Variants in SAMD5 observed in about 807,000 individuals in gnomAD.
SAMD5 encodes sterile alpha motif domain containing 5, also known as sterile alpha motif domain-containing protein 5.
Under a neutral mutation model 11.3 loss-of-function variants are expected in SAMD5, and 13 were observed. The ratio of observed to expected loss-of-function variants is 1.15; its 90% CI spans 0.75 to 1.83. The LOEUF is 1.83. Among genes scored for constraint, SAMD5 ranks in the 40% most tolerant of loss-of-function variants. The probability of loss-of-function intolerance (pLI) is 0.00; values close to 1 mark genes in which losing one functional copy is unlikely to be tolerated. For synonymous variants in SAMD5, 129 were observed against 111.3 expected (o/e 1.16, Z -1.00); for missense variants, 255 against 239.1 (o/e 1.07, Z -0.44).
intron 1 of SAMD5, among the ~76,000 whole-genome samples, chr6:147,615,568 G>T (rs2050184): frequency 0.1 from 15,399 of 152,016 alleles, 979 homozygotes; most frequent in Middle Eastern, 0.19. Flanking sequence ...TATTTTGAGG[G>T]GTAGATGAAT....
At chr6:147,644,433 T>C (rs1350911107) in intron 1 of SAMD5, among the ~76,000 whole-genome samples, 1 of 152,206 alleles carries the variant, frequency 6.6e-6, no homozygotes, top group Non-Finnish European at 1.5e-5. Flanking sequence ...TTTATTATTC[T>C]TATACTGTTT....
intron 1 of SAMD5, among the ~76,000 whole-genome samples, chr6:147,675,738 G>GT (rs953738287): frequency 1.3e-5 from 2 of 152,158 alleles, no homozygotes; most frequent in African/African-American, 4.8e-5. Context: ...ATTTTAGGAT[G>GT]TTTTTTGTAT....
the SAMD5 span, among the ~76,000 whole-genome samples, chr6:147,895,854 A>G: frequency 6.6e-6 from 1 of 152,078 alleles, no homozygotes; most frequent in Non-Finnish European, 1.5e-5. Context: ...TACCAAATAA[A>G]CCATGCTATT....
chr6:147,557,276 AC>A (rs1419176765), intron 1 of SAMD5, among the ~76,000 whole-genome samples: 3 of 152,236 alleles, frequency 2.0e-5, no homozygotes, highest in Non-Finnish European at 2.9e-5. Flanking sequence ...GGATTAAAAA[AC>A]ATTTCTAATA....
At chr6:147,919,916 C>T in the SAMD5 span, among the ~76,000 whole-genome samples, 3 of 152,212 alleles carry the variant, frequency 2.0e-5, no homozygotes, top group African/African-American at 7.2e-5. Flanking sequence ...AATTCAGTGC[C>T]TCCTGTCCAG....
At chr6:147,541,204 T>C (rs1340732458) in intron 1 of SAMD5, among the ~76,000 whole-genome samples, 1 of 151,734 alleles carries the variant, frequency 6.6e-6, no homozygotes, top group Non-Finnish European at 1.5e-5. Flanking sequence ...CCAGCCTCAG[T>C]CCCCCAAAGA....
chr6:147,564,909 C>A lies in SAMD5; in HGVS notation c.*453C>A. 1 of 831,852 alleles carries A rather than the reference C, an allele frequency of 1.2e-6. No individual in the cohort carries two copies. The highest frequency in any genetic ancestry group is 1.4e-6 in the Non-Finnish European group (1 of 690,532). The allele number at this position is 831,852 out of a possible 1,614,324, so 51.5% of individuals were successfully genotyped here. On this transcript the variant is annotated 3_prime_UTR_variant, in exon 2 of 2. Coordinates refer to ENST00000367474, the MANE Select transcript of SAMD5 (RefSeq NM_001030060.3). ...GAACAGTAGCTTTAATTTTTATATT[C>A]AAGCATACATTCTACTTCATTTCAT...
intron 1 of SAMD5, among the ~76,000 whole-genome samples, chr6:147,635,467 A>G (rs1289977742): frequency 6.6e-6 from 1 of 152,132 alleles, no homozygotes. Context: ...TTGCCTATAT[A>G]TTTTCTAAAG....
Position 147,565,430 on chromosome 6 carries a change from A to ATCGTCTTAT in SAMD5, c.*975_*983dup, listed in dbSNP as rs1007119546. 3.6e-5 allele frequency: 35 copies of ATCGTCTTAT among 984,046 alleles called. No homozygotes were observed. Among genetic ancestry groups the ATCGTCTTAT allele is most frequent in the Non-Finnish European group, 4.0e-5 (33 of 829,086 alleles). The allele number at this position is 984,046 out of a possible 1,614,324, so 61.0% of individuals were successfully genotyped here. A position where few individuals can be genotyped will look rare whatever the true frequency, so the allele number is the denominator to read the frequency against. On this transcript the variant is annotated 3_prime_UTR_variant, in exon 2 of 2. Coordinates refer to ENST00000367474, the MANE Select transcript of SAMD5 (RefSeq NM_001030060.3). The stretch of plus-strand genomic sequence containing the variant: ...GGAATCTAGAGTTTTTCTAATTCTT[A>ATCGTCTTAT]TCGTCTTATCGTTCTTGTGTTTGGA...
At chr6:147,686,483 A>T (rs898821562) in intron 1 of SAMD5, among the ~76,000 whole-genome samples, 1 of 152,178 alleles carries the variant, frequency 6.6e-6, no homozygotes, top group African/African-American at 2.4e-5. Flanking sequence ...ACTTTTCCCC[A>T]TATGGATATC....
At chr6:147,747,852 C>T in the SAMD5 span, among the ~76,000 whole-genome samples, 6 of 152,164 alleles carry the variant, frequency 3.9e-5, no homozygotes, top group East Asian at 1.2e-3. Flanking sequence ...ATTTTAATAC[C>T]ATTTTCTGTC....
chr6:147,738,926 C>G (rs373886764), downstream of SAMD5, among the ~76,000 whole-genome samples: 24 of 152,304 alleles, frequency 1.6e-4, no homozygotes, highest in East Asian at 2.9e-3. Context: ...ACACCCCCAC[C>G]CACGAGCAGA....
the SAMD5 span, among the ~76,000 whole-genome samples, chr6:147,951,242 C>A: frequency 2.7e-5 from 4 of 150,756 alleles, no homozygotes; most frequent in Non-Finnish European, 5.9e-5. Flanking sequence ...AGTGCAGTGG[C>A]GCGATCTCGG....
intron 1 of SAMD5, among the ~76,000 whole-genome samples, chr6:147,685,660 TTTTA>T (rs2128456611): frequency 6.6e-6 from 1 of 152,350 alleles, no homozygotes; most frequent in East Asian, 1.9e-4. Context: ...TCTTCTCTAA[TTTTA>T]TTTATGTTAA....
chr6:147,744,341 A>C, the SAMD5 span, among the ~76,000 whole-genome samples: 1 of 152,198 alleles, frequency 6.6e-6, no homozygotes, highest in East Asian at 1.9e-4. Context: ...TGCTAAATAC[A>C]TACTTATCTA....
intron 1 of SAMD5, among the ~76,000 whole-genome samples, chr6:147,525,024 C>T (rs983152007): frequency 5.3e-5 from 8 of 151,826 alleles, no homozygotes; most frequent in South Asian, 2.1e-4. Context: ...CCTCAGAGCC[C>T]GTGGGTCTCA....
chr6:147,797,960 T>A, the SAMD5 span, among the ~76,000 whole-genome samples: 1 of 151,562 alleles, frequency 6.6e-6, no homozygotes, highest in Non-Finnish European at 1.5e-5. Flanking sequence ...TTCTCTCTTT[T>A]TTTCTTTATT....
rs553238997 is a variant in SAMD5 at position 147,579,019 on chromosome 6, G to T, written c.162+69632G>T. On this transcript the variant is annotated intron_variant, in intron 1 of 1. Coordinates refer to the SAMD5 transcript ENST00000566741. ...ATCATCATAATTCATTTACATATTT[G>T]ACAAATATTAAGACTGTATGATGAA... Among the ~76,000 whole-genome samples the T allele has an allele frequency of 3.3e-5, 5 of 152,304 alleles. No individual in the cohort carries two copies. In the East Asian group the frequency reaches 9.6e-4, roughly 29 times the overall value.
chr6:147,634,449 C>T (rs1406834087), intron 1 of SAMD5, among the ~76,000 whole-genome samples: 5 of 152,188 alleles, frequency 3.3e-5, no homozygotes, highest in Non-Finnish European at 5.9e-5. Context: ...CATCAGGCCC[C>T]TCCTCCCTCC....
Sources: allele counts gnomAD v4.1 joint callset (sites outside exome capture counted in the v4.1 genomes callset), GRCh38; gene constraint gnomAD v4.1.1; transcripts MANE v1.5; gene names NCBI Gene and HGNC (gene_info 2026-07-23, HGNC 2026-07-21).